LCP2: variants seen among roughly 807,000 people sequenced by gnomAD.
LCP2 encodes 76 kDa tyrosine phosphoprotein.
LCP2 carries 29 observed loss-of-function variants against 74.5 expected under a neutral mutation model. The ratio of observed to expected loss-of-function variants is 0.39; its 90% CI spans 0.29 to 0.53. The LOEUF is 0.53. Among genes scored for constraint, LCP2 ranks in the 20% least tolerant of loss-of-function variants. LCP2 has a pLI of 0.72. For missense variants in LCP2, 604 were observed against 634.6 expected (o/e 0.95, Z 0.52); for synonymous variants, 228 against 229.5 (o/e 0.99, Z 0.06).
At chr5:170,275,541 C>A in intron 4 of LCP2, 190 bp from the exon 5 acceptor site, 2 of 669,900 alleles carry the variant, frequency 3.0e-6, no homozygotes, top group South Asian at 3.8e-5. Flanking sequence ...CACCAAGCCA[C>A]ATCAGTGGCA....
chr5:170,290,951 G>A (rs149715828), intron 2 of LCP2, among the ~76,000 whole-genome samples: 1,693 of 73,320 alleles, frequency 0.023, 44 homozygotes, highest in African/African-American at 0.086. Flanking sequence ...AAGAAAGAAA[G>A]AAAAGAAAGA....
At chr5:170,250,932 T>A (rs1157021679) in intron 19 of LCP2, 47 bp from the exon 20 acceptor site, 1 of 1,537,196 alleles carries the variant, frequency 6.5e-7, no homozygotes, top group Admixed American at 1.8e-5. Flanking sequence ...AAAGTCAATA[T>A]TTTTGTTGCT....
chr5:170,251,501 A>G (rs1761442032), intron 19 of LCP2: 1 of 315,434 alleles, frequency 3.2e-6, no homozygotes, highest in South Asian at 2.7e-5. Flanking sequence ...GCTACATAAT[A>G]TTAATACTGT....
At chr5:170,291,351 G>A (rs114492701) in intron 2 of LCP2, among the ~76,000 whole-genome samples, 2,004 of 152,258 alleles carry the variant, frequency 0.013, 23 homozygotes, top group Middle Eastern at 0.031. Flanking sequence ...TAGATCAAGC[G>A]TCCCAAATTG....
chr5:170,292,878 C>CA (rs1422690180), intron 2 of LCP2, among the ~76,000 whole-genome samples: 1 of 152,128 alleles, frequency 6.6e-6, no homozygotes, highest in African/African-American at 2.4e-5. Flanking sequence ...GTGCTTGATG[C>CA]AAAATCAGCT....
chr5:170,267,094 G>T lies in LCP2; in HGVS notation c.622-19C>A. ...GCAGTGGCTGCATAAAGATCCAAACGTTAGGAAGCACTTCCAATACATCAG... is the reference window on the plus strand; with the variant it reads ...GCAGTGGCTGCATAAAGATCCAAACTTTAGGAAGCACTTCCAATACATCAG... On this transcript the variant is annotated intron_variant, in intron 8 of 20. Transcript: ENST00000046794. 1 of 1,612,986 alleles carries T rather than the reference G, an allele frequency of 6.2e-7. No individual in the cohort carries two copies. Among genetic ancestry groups the T allele is most frequent in the Non-Finnish European group, 8.5e-7 (1 of 1,179,584 alleles).
rs147092039 is a variant in LCP2, at chr5:170,288,955, A to G, written c.142-939T>C. 1.9e-3 allele frequency among the ~76,000 whole-genome samples: 283 copies of G among 152,318 alleles called. 2 individuals carry two copies. The highest frequency in any genetic ancestry group is 6.3e-3 in the African/African-American group (261 of 41,576). On this transcript the variant is annotated intron_variant, in intron 2 of 20. Coordinates refer to ENST00000046794, the MANE Select transcript of LCP2 (RefSeq NM_005565.5). Reference sequence around the variant, plus strand: ...ACTGGGCATGCTTTCCATAGAACCAATGATGAGCCAACAAAGGGCTCCACC... The same window carrying G: ...ACTGGGCATGCTTTCCATAGAACCAGTGATGAGCCAACAAAGGGCTCCACC...
At chr5:170,291,698 AG>A (rs1762299201) in intron 2 of LCP2, among the ~76,000 whole-genome samples, 1 of 152,200 alleles carries the variant, frequency 6.6e-6, no homozygotes, top group Non-Finnish European at 1.5e-5. Flanking sequence ...CTCAGTCAAC[AG>A]GGTAGGAAGC....
Position 170,281,604 on chromosome 5 carries a change from C to T in LCP2, c.189-5744G>A, listed in dbSNP as rs1051398545. On this transcript the variant is annotated intron_variant, in intron 3 of 20. Coordinates refer to ENST00000046794, the MANE Select transcript of LCP2 (RefSeq NM_005565.5). The stretch of plus-strand genomic sequence containing the variant: ...TTAACAGGCATGAGAATGTTCCTTT[C>T]GCCTCTGCGTCCCTTCCTCCACACC... Among the ~76,000 whole-genome samples the T allele has an allele frequency of 3.9e-5, 6 of 152,358 alleles. No individual in the cohort carries two copies. In the East Asian group the frequency reaches 5.8e-4, roughly 15 times the overall value.
At chr5:170,270,319 C>T (rs1761874032) in intron 7 of LCP2, among the ~76,000 whole-genome samples, 1 of 152,160 alleles carries the variant, frequency 6.6e-6, no homozygotes, top group Non-Finnish European at 1.5e-5. Flanking sequence ...ATAATAATGC[C>T]ATGTAACTAT....
At position 170,247,716 on chromosome 5, in the gene LCP2, G is replaced by A. The variant is rs1761329815; in HGVS notation, c.*981C>T. The A allele has an allele frequency of 6.6e-6, 1 of 152,216 alleles. No individual in the cohort carries two copies. The highest frequency in any genetic ancestry group is 2.1e-4 in the South Asian group (1 of 4,822). The allele number at this position is 152,216 out of a possible 1,614,324, so 9.4% of individuals were successfully genotyped here. ...TGAGGAGAAGGGACTTTATGGCAGA[G>A]CTGTCAGGGGGATAACAAGAGACAG... is the stretch of plus-strand genomic sequence containing the variant. On this transcript the variant is annotated 3_prime_UTR_variant, in exon 21 of 21. Transcript: ENST00000046794.
intron 13 of LCP2, among the ~76,000 whole-genome samples, chr5:170,261,462 T>TATACACAC (rs1761651907): frequency 9.7e-6 from 1 of 102,940 alleles, no homozygotes. Context: ...ACTATATGTA[T>TATACACAC]ATACACACAC....
chr5:170,266,818 G>A lies in LCP2; in HGVS notation c.762C>T (p.Pro254=), dbSNP rs1487509463. The part of the protein sequence containing the change: ...DRSLAPFDRE[P]FTLGKKPPFS... ...GTGAATCATACCCACCTAGTGTGAA[G>A]GGTTCTCTATCAAACGGAGCTAATG... The change falls in exon 10 of 21, where the codon CCC becomes CCT. Residue 254 remains proline (P), a synonymous_variant. Transcript: ENST00000046794. 1.9e-6 allele frequency: 3 copies of A among 1,613,332 alleles called. No individual in the cohort carries two copies. Among genetic ancestry groups the A allele is most frequent in the Admixed American group, 1.7e-5 (1 of 60,024 alleles).
intron 15 of LCP2, 161 bp from the exon 16 acceptor site, chr5:170,258,327 C>T (rs1177986416): frequency 3.0e-6 from 2 of 671,460 alleles, no homozygotes; most frequent in Non-Finnish European, 4.9e-6. Context: ...AACCTTGCTC[C>T]CAGGGTGTTT....
intron 3 of LCP2, among the ~76,000 whole-genome samples, chr5:170,284,190 G>A (rs1265443146): frequency 2.6e-5 from 4 of 152,174 alleles, no homozygotes; most frequent in Non-Finnish European, 4.4e-5. Context: ...CAAGGGCCAC[G>A]TACATACACA....
intron 6 of LCP2, among the ~76,000 whole-genome samples, chr5:170,272,592 A>ATTTTTTTTTTTTTT (rs1761913090): frequency 1.5e-4 from 5 of 34,308 alleles, no homozygotes; most frequent in Admixed American, 8.3e-4. Flanking sequence ...CCCATCAAAT[A>ATTTTTTTTTTTTTT]TTTTCTTTTT....
chr5:170,250,021 A>G (rs1303601822), intron 20 of LCP2, among the ~76,000 whole-genome samples: 2 of 152,234 alleles, frequency 1.3e-5, no homozygotes, highest in Non-Finnish European at 2.9e-5. Context: ...ATTCATTAAC[A>G]TTATCATAAC....
intron 3 of LCP2, 148 bp downstream of exon 3, chr5:170,287,821 TC>T: frequency 1.4e-6 from 1 of 720,534 alleles, no homozygotes; most frequent in Non-Finnish European, 2.5e-6. Flanking sequence ...TAACTTCTGT[TC>T]CCCACATCCT....
intron 3 of LCP2, among the ~76,000 whole-genome samples, chr5:170,280,557 A>C (rs1362593351): frequency 6.6e-6 from 1 of 152,120 alleles, no homozygotes; most frequent in South Asian, 2.1e-4. Context: ...CTCGGTCGAG[A>C]GTGTAAGAGT....
Sources: gnomAD v4.1 joint callset for allele counts (sites outside exome capture counted in the v4.1 genomes callset) on GRCh38, gnomAD v4.1.1 for gene constraint, MANE v1.5 for transcripts, NCBI Gene and HGNC (gene_info 2026-07-23, HGNC 2026-07-21) for gene names.